SNTB1: variants seen among roughly 807,000 people sequenced by gnomAD.
SNTB1 encodes beta-1-syntrophin.
In SNTB1, 36 loss-of-function variants were observed where a neutral mutation model predicts 48.9. The ratio of observed to expected loss-of-function variants is 0.74; its 90% CI spans 0.56 to 0.97. SNTB1 has a LOEUF of 0.97. SNTB1 is among the 50% of genes least tolerant of loss of function. The pLI, the probability that SNTB1 is intolerant of heterozygous loss-of-function variation, is 0.00. For missense variants in SNTB1, 786 were observed against 703.4 expected (o/e 1.12, Z -1.33); for synonymous variants, 299 against 294.6 (o/e 1.01, Z -0.15).
At chr8:120,793,236 G>C (rs1279245160) in intron 1 of SNTB1, among the ~76,000 whole-genome samples, 1 of 152,030 alleles carries the variant, frequency 6.6e-6, no homozygotes. Flanking sequence ...GTGGGGGAAA[G>C]AGAGGTGGAA....
At chr8:120,555,073 C>T (rs1195033235) in intron 4 of SNTB1, among the ~76,000 whole-genome samples, 1 of 152,182 alleles carries the variant, frequency 6.6e-6, no homozygotes, top group Non-Finnish European at 1.5e-5. Flanking sequence ...ATTGTGTCCT[C>T]ATAAGATGCA....
chr8:120,722,540 T>A (rs1190917059), intron 1 of SNTB1, among the ~76,000 whole-genome samples: 1 of 152,244 alleles, frequency 6.6e-6, no homozygotes, highest in African/African-American at 2.4e-5. Flanking sequence ...TGCATAAATG[T>A]CTTCTTTTGA....
chr8:120,701,070 G>C (rs1183100435), intron 1 of SNTB1, among the ~76,000 whole-genome samples: 2 of 152,080 alleles, frequency 1.3e-5, no homozygotes, highest in African/African-American at 2.4e-5. Context: ...TTCAAGCTGG[G>C]GACAGGTTGG....
chr8:120,538,680 TG>T lies in SNTB1; in HGVS notation c.*196del, dbSNP rs1360960602. 2 of 657,122 alleles carry T rather than the reference TG, an allele frequency of 3.0e-6. No homozygotes were observed. The highest frequency in any genetic ancestry group is 2.8e-6 in the Non-Finnish European group (1 of 353,714). 40.7% of individuals were successfully genotyped at this position (657,122 alleles called of 1,614,324 possible). On this transcript the variant is annotated 3_prime_UTR_variant, in exon 7 of 7. Transcript: ENST00000517992. The stretch of plus-strand genomic sequence containing the variant: ...GAAAGTTTTACTCTGATATTTCTCA[TG>T]GTACTTTCGCAGGGTATCCCTTGTA...
At chr8:120,702,598 C>G (rs190303802) in intron 1 of SNTB1, among the ~76,000 whole-genome samples, 152 of 151,862 alleles carry the variant, frequency 1.0e-3, no homozygotes, top group African/African-American at 3.5e-3. Context: ...GCAGCTTCCA[C>G]TGATATCAAC....
chr8:120,666,722 T>C (rs1817678121), intron 2 of SNTB1, among the ~76,000 whole-genome samples: 1 of 152,170 alleles, frequency 6.6e-6, no homozygotes, highest in Non-Finnish European at 1.5e-5. Flanking sequence ...ACTACAGGTG[T>C]ATTAGGCTGC....
At chr8:120,773,811 G>C (rs957724727) in intron 1 of SNTB1, among the ~76,000 whole-genome samples, 22 of 152,308 alleles carry the variant, frequency 1.4e-4, no homozygotes, top group Non-Finnish European at 2.4e-4. Context: ...ATTTGCTCAA[G>C]CAAATGTAAT....
At chr8:120,607,008 A>G (rs370301122) in intron 3 of SNTB1, among the ~76,000 whole-genome samples, 2 of 152,298 alleles carry the variant, frequency 1.3e-5, no homozygotes, top group South Asian at 2.1e-4. Flanking sequence ...TTGAGATGAG[A>G]AGACTGTATC....
At chr8:120,637,140 TG>T in intron 2 of SNTB1, 1 of 319,578 alleles carries the variant, frequency 3.1e-6, no homozygotes, top group South Asian at 4.0e-5. Flanking sequence ...AAAGTATTCC[TG>T]ATTAGTCCTG....
At chr8:120,560,440 G>T (rs1014280545) in intron 4 of SNTB1, among the ~76,000 whole-genome samples, 1 of 152,122 alleles carries the variant, frequency 6.6e-6, no homozygotes, top group African/African-American at 2.4e-5. Flanking sequence ...CCGAGATTGC[G>T]CCATTGCACT....
intron 1 of SNTB1, among the ~76,000 whole-genome samples, chr8:120,810,142 A>T (rs959008269): frequency 6.6e-6 from 1 of 152,220 alleles, no homozygotes; most frequent in Non-Finnish European, 1.5e-5. Flanking sequence ...TGGAGCAACT[A>T]AGCTCAAGAG....
chr8:120,705,270 G>C (rs1251877095), intron 1 of SNTB1, among the ~76,000 whole-genome samples: 2 of 152,160 alleles, frequency 1.3e-5, no homozygotes, highest in Non-Finnish European at 2.9e-5. Flanking sequence ...TTCCCCAAAT[G>C]CTTGTTCTTT....
chr8:120,613,777 T>G (rs1162232924), intron 3 of SNTB1, among the ~76,000 whole-genome samples: 1 of 152,206 alleles, frequency 6.6e-6, no homozygotes, highest in Non-Finnish European at 1.5e-5. Flanking sequence ...TGATTTAGGA[T>G]TCACTATATT....
chr8:120,601,594 T>TTG (rs1418008261), intron 3 of SNTB1, among the ~76,000 whole-genome samples: 1 of 152,178 alleles, frequency 6.6e-6, no homozygotes, highest in Non-Finnish European at 1.5e-5. Context: ...CATCTACCTC[T>TTG]TGTGTCTCAC....
At chr8:120,564,561 C>G (rs1586997234) in intron 4 of SNTB1, among the ~76,000 whole-genome samples, 1 of 61,240 alleles carries the variant, frequency 1.6e-5, no homozygotes, top group South Asian at 5.4e-4. Flanking sequence ...TACTATTATT[C>G]TGGTTTTTTT....
intron 1 of SNTB1, among the ~76,000 whole-genome samples, chr8:120,747,586 A>C (rs4870748): frequency 0.13 from 19,778 of 152,214 alleles, 1,669 homozygotes; most frequent in African/African-American, 0.23. Context: ...CCATCACACC[A>C]GGTCCATGTT....
intron 3 of SNTB1, among the ~76,000 whole-genome samples, chr8:120,608,751 C>T (rs933110346): frequency 2.0e-5 from 3 of 152,000 alleles, no homozygotes; most frequent in African/African-American, 7.3e-5. Flanking sequence ...TACAGGAGAA[C>T]ACATTTTGGA....
chr8:120,687,350 C>T (rs1278638454), intron 2 of SNTB1, among the ~76,000 whole-genome samples: 5 of 152,282 alleles, frequency 3.3e-5, no homozygotes, highest in East Asian at 3.9e-4. Context: ...TCCACTGTTT[C>T]GTACTCACAG....
At chr8:120,796,256 G>A (rs890579829) in intron 1 of SNTB1, among the ~76,000 whole-genome samples, 7 of 151,970 alleles carry the variant, frequency 4.6e-5, no homozygotes, top group African/African-American at 1.4e-4. Flanking sequence ...TGTACAGCCT[G>A]CAGAATCATG....
Sources: allele counts gnomAD v4.1 joint callset (sites outside exome capture counted in the v4.1 genomes callset), GRCh38; gene constraint gnomAD v4.1.1; transcripts MANE v1.5; gene names NCBI Gene and HGNC (gene_info 2026-07-23, HGNC 2026-07-21).